NKD2: variants seen among roughly 807,000 people sequenced by gnomAD.
NKD2 encodes NKD inhibitor of Wnt signaling pathway 2.
Under a neutral mutation model 34.8 loss-of-function variants are expected in NKD2, and 43 were observed. That is an observed-to-expected ratio of 1.24 (90% CI 0.97 to 1.60). The LOEUF (loss-of-function observed/expected upper bound fraction) is 1.60. Ranked by LOEUF, NKD2 falls within the 40% of genes most tolerant of loss-of-function variation. The probability of loss-of-function intolerance (pLI) is 0.00; values close to 1 mark genes in which losing one functional copy is unlikely to be tolerated. For missense variants in NKD2, 675 were observed against 627.1 expected, an observed-to-expected ratio of 1.08 and a Z score of -0.82; for synonymous variants, 278 against 265.1, an observed-to-expected ratio of 1.05 and a Z score of -0.47.
intron 3 of NKD2, among the ~76,000 whole-genome samples, chr5:1,019,545 G>A (rs1287025166): frequency 1.3e-5 from 2 of 152,270 alleles, no homozygotes; most frequent in African/African-American, 4.8e-5. Flanking sequence ...CAGGGCCCTC[G>A]TGGAGGTTCT....
In NKD2 at chr5:1,008,828, C is replaced by A. The variant is rs1390751509; in HGVS notation, c.-230C>A. ...GAGGGAGCCGGGCCGCCGTCGCTGC[C>A]GCCGCTGTCCCCGCGCCCTGCGCCC... On this transcript the variant is annotated 5_prime_UTR_variant, in exon 1 of 10. Coordinates refer to ENST00000296849, the MANE Select transcript of NKD2 (RefSeq NM_033120.4). The A allele has an allele frequency of 1.1e-5, 3 of 277,370 alleles. No individual in the cohort carries two copies. The highest frequency in any genetic ancestry group is 4.5e-5 in the African/African-American group (2 of 44,566). The allele number at this position is 277,370 out of a possible 1,614,324, so 17.2% of individuals were successfully genotyped here.
chr5:1,035,361 G>A (rs775110366), intron 7 of NKD2, 28 bp from the exon 8 acceptor site: 2 of 1,527,148 alleles, frequency 1.3e-6, no homozygotes, highest in African/African-American at 1.4e-5. Flanking sequence ...GAGGGAGGGA[G>A]TGAGTAATGG....
At chr5:1,035,793 C>T (rs934757241) in intron 8 of NKD2, 2 of 396,104 alleles carry the variant, frequency 5.0e-6, no homozygotes, top group Non-Finnish European at 9.0e-6. Context: ...GGCAACAGGG[C>T]TGGGGGTGGC....
chr5:1,038,012 AG>A lies in NKD2; in HGVS notation c.996del (p.Lys332AsnfsTer96). The A allele has an allele frequency of 6.2e-7, 1 of 1,608,298 alleles. No individual in the cohort carries two copies. The highest frequency in any genetic ancestry group is 1.1e-5 in the South Asian group (1 of 90,738). On this transcript the variant is annotated frameshift_variant, in exon 10 of 10. Transcript: ENST00000296849. LOFTEE classifies it low-confidence loss of function (END_TRUNC). This position sits in a 1 kb window ranked among gnomAD's most constrained non-coding sequence, Gnocchi z 4.5. The stretch of plus-strand genomic sequence containing the variant: ...AAGGGGCCGGAGAAGCAGTTCCTCA[AG>A]TCCCCCAAGGGCTCCGGGAAGCCGC... Reference protein sequence around the residue: ...RPKGPEKQFLKSPKGSGKPPG... With the variant: ...RPKGPEKQFLXSPKGSGKPPG...
intron 9 of NKD2, chr5:1,036,732 G>T (rs893550602): frequency 6.0e-6 from 3 of 497,084 alleles, no homozygotes; most frequent in African/African-American, 3.9e-5. Flanking sequence ...AGTATTTTAG[G>T]GTGGAATCAC....
chr5:1,030,060 C>T (rs911119128), intron 3 of NKD2, among the ~76,000 whole-genome samples: 1 of 150,986 alleles, frequency 6.6e-6, no homozygotes, highest in Non-Finnish European at 1.5e-5. Context: ...CCACACAGGT[C>T]CCCTGCACCC....
At chr5:1,032,840 T>C (rs1191091854) in intron 4 of NKD2, among the ~76,000 whole-genome samples, 2 of 152,190 alleles carry the variant, frequency 1.3e-5, no homozygotes, top group East Asian at 3.9e-4. Flanking sequence ...ACTCCTATCC[T>C]GGGGACGCAG....
At chr5:1,034,038 A>C (rs1185937979) in intron 5 of NKD2, 197 bp from the exon 6 acceptor site, 1 of 594,446 alleles carries the variant, frequency 1.7e-6, no homozygotes, top group Non-Finnish European at 3.0e-6. Flanking sequence ...GGGTCCCCCC[A>C]AGAAGGGCTG....
chr5:1,038,937 G>A lies in NKD2; in HGVS notation c.*564G>A, dbSNP rs1209701782. On this transcript the variant is annotated 3_prime_UTR_variant, in exon 10 of 10. Coordinates refer to ENST00000296849, the MANE Select transcript of NKD2 (RefSeq NM_033120.4). This position sits in a 1 kb window ranked among gnomAD's most constrained non-coding sequence, Gnocchi z 4.5. Reference sequence around the variant, plus strand: ...GCAGAAGGCAGCAGTGCTAGAAAGAGAAGTGCCAGAGTAGGGAGTGCAGAC... The same window carrying A: ...GCAGAAGGCAGCAGTGCTAGAAAGAAAAGTGCCAGAGTAGGGAGTGCAGAC... 1.6e-5 allele frequency: 3 copies of A among 183,182 alleles called. No homozygotes were observed. The highest frequency in any genetic ancestry group is 2.9e-5 in the Non-Finnish European group (3 of 103,368). 11.3% of individuals were successfully genotyped at this position (183,182 alleles called of 1,614,324 possible).
Position 1,012,165 on chromosome 5 carries a change from C to T in NKD2, c.141+2605C>T, listed in dbSNP as rs545492880. On this transcript the variant is annotated intron_variant, in intron 3 of 9. Transcript: ENST00000296849. ...GAGACTAGCTTTAATTTCTACAGCG[C>T]TCCCTGAGGCTGGCGGAAAATGGTT... is the stretch of plus-strand genomic sequence containing the variant. Among the ~76,000 whole-genome samples, 4 of 152,386 alleles carry T rather than the reference C, an allele frequency of 2.6e-5. No individual in the cohort carries two copies. The South Asian group carries it at 6.2e-4, about 24-fold the overall frequency.
intron 5 of NKD2, 123 bp from the exon 6 acceptor site, chr5:1,034,112 T>C: frequency 1.4e-6 from 1 of 690,830 alleles, no homozygotes; most frequent in Non-Finnish European, 2.5e-6. Context: ...CCCTCTAGGC[T>C]CCGCCTTTCC....
intron 8 of NKD2, 195 bp downstream of exon 8, chr5:1,035,668 A>G (rs1733868549): frequency 3.4e-6 from 2 of 585,666 alleles, no homozygotes; most frequent in Non-Finnish European, 6.1e-6. Flanking sequence ...TGGGCCCCCA[A>G]GTCTGTCTGA....
rs1756729295 is a variant in NKD2, at chr5:1,033,496, T to C, written c.327T>C (p.Ile109=). The C allele has an allele frequency of 6.5e-7, 1 of 1,548,450 alleles. No homozygotes were observed. The highest frequency in any genetic ancestry group is 8.7e-7 in the Non-Finnish European group (1 of 1,145,592). Residue 109 remains isoleucine, a synonymous_variant, in exon 5 of 10, where the codon ATT becomes ATC. Transcript: ENST00000296849. The part of the protein sequence containing the change: ...PRGPGGQRLN[I]DALQCDVSVE... ...GACCGGGCGGGCAGCGCCTCAACATTGACGTGGGTCTCTCTCCGGCCTCAC... is the reference window on the plus strand; with the variant it reads ...GACCGGGCGGGCAGCGCCTCAACATCGACGTGGGTCTCTCTCCGGCCTCAC...
At chr5:1,034,435 C>A in intron 6 of NKD2, 105 bp downstream of exon 6, 2 of 916,502 alleles carry the variant, frequency 2.2e-6, no homozygotes, top group Non-Finnish European at 3.5e-6. Context: ...GACCTGCCTG[C>A]TGCGAGGTCC....
chr5:1,015,781 G>C (rs911667439), intron 3 of NKD2, among the ~76,000 whole-genome samples: 1 of 152,176 alleles, frequency 6.6e-6, no homozygotes, highest in Admixed American at 6.5e-5. Flanking sequence ...CCTGTGCTGC[G>C]TCCTGGGGCA....
intron 5 of NKD2, 111 bp downstream of exon 5, chr5:1,033,610 C>G (rs1397849555): frequency 1.6e-6 from 2 of 1,274,716 alleles, no homozygotes; most frequent in African/African-American, 1.5e-5. Context: ...GTAGTTCACT[C>G]AGTCTTCCCC....
rs933983055 is a variant in NKD2, at chr5:1,009,408, G to T, written c.62-73G>T. 24 of 1,311,524 alleles carry T rather than the reference G, an allele frequency of 1.8e-5. No individual in the cohort carries two copies. The African/African-American group carries it at 3.4e-4, about 19-fold the overall frequency. 81.2% of individuals were successfully genotyped at this position (1,311,524 alleles called of 1,614,324 possible). On this transcript the variant is annotated intron_variant, in intron 2 of 9. Coordinates refer to ENST00000296849, the MANE Select transcript of NKD2 (RefSeq NM_033120.4). This position sits in a 1 kb window ranked among gnomAD's most constrained non-coding sequence, Gnocchi z 6.9. ...GATGGGGACACAGCGAAGGCGCAGC[G>T]CCCGCGGGGCTCACGGCGCGTCTCT... is the stretch of plus-strand genomic sequence containing the variant.
rs1554000641 is a variant in NKD2, at chr5:1,008,813, G to GGCCGCCGTCGCT, written c.-237_-226dup. 16 of 225,480 alleles carry GGCCGCCGTCGCT rather than the reference G, an allele frequency of 7.1e-5. No individual in the cohort carries two copies. Among genetic ancestry groups the GGCCGCCGTCGCT allele is most frequent in the Admixed American group, 1.7e-4 (3 of 17,358 alleles). The allele number at this position is 225,480 out of a possible 1,614,324, so 14.0% of individuals were successfully genotyped here. A position where few individuals can be genotyped will look rare whatever the true frequency, so the allele number is the denominator to read the frequency against. The stretch of plus-strand genomic sequence containing the variant: ...GGGCGCACGCGCTCAGAGGGAGCCG[G>GGCCGCCGTCGCT]GCCGCCGTCGCTGCCGCCGCTGTCC... On this transcript the variant is annotated 5_prime_UTR_variant, in exon 1 of 10. Transcript: ENST00000296849.
At chr5:1,036,507 C>CCCCCCCA (rs1554005239) in intron 9 of NKD2, 123 bp downstream of exon 9, 1 of 606,270 alleles carries the variant, frequency 1.6e-6, no homozygotes, top group African/African-American at 2.5e-5. Context: ...CCCCCAACCC[C>CCCCCCCA]CCCCACCCCA....
Sources: gnomAD v4.1 joint callset for allele counts (sites outside exome capture counted in the v4.1 genomes callset) on GRCh38, gnomAD v4.1.1 for gene constraint, Gnocchi (gnomAD v3.1) non-coding constraint, MANE v1.5 for transcripts, NCBI Gene and HGNC (gene_info 2026-07-23, HGNC 2026-07-21) for gene names.